SLC22A15: variants seen among roughly 807,000 people sequenced by gnomAD.
The protein encoded by SLC22A15 is solute carrier family 22 member 15.
A neutral mutation model predicts 62.7 loss-of-function variants in SLC22A15; 45 were observed. That is an observed-to-expected ratio of 0.72 (90% CI 0.56 to 0.92). SLC22A15 has a LOEUF of 0.92. SLC22A15 is among the 40% of genes least tolerant of loss of function. The pLI, the probability that SLC22A15 is intolerant of heterozygous loss-of-function variation, is 0.00. For missense variants in SLC22A15, 622 were observed against 665.6 expected (o/e 0.93, Z 0.72); for synonymous variants, 264 against 267.0 (o/e 0.99, Z 0.11).
chr1:116,061,902 A>G (rs1420940088), intron 8 of SLC22A15, among the ~76,000 whole-genome samples: 1 of 152,136 alleles, frequency 6.6e-6, no homozygotes, highest in African/African-American at 2.4e-5. Context: ...TTTCATATTT[A>G]GATTCTTGTT....
Position 116,031,534 on chromosome 1 carries a change from TC to T in SLC22A15, c.898del (p.Arg300ValfsTer6). ...AGACTGGAAGTTTCCTGGATCTCTT[TC>T]GTTACCGGGTCCTGTTAGGACACAC... Reference protein sequence around the residue: ...RETGSFLDLFRYRVLLGHTLI... With the variant: ...RETGSFLDLFXYRVLLGHTLI... On this transcript the variant is annotated frameshift_variant, in exon 6 of 12. Coordinates refer to ENST00000369503, the MANE Select transcript of SLC22A15 (RefSeq NM_018420.3). LOFTEE classifies it high-confidence loss of function. 2 of 1,614,026 alleles carry T rather than the reference TC, an allele frequency of 1.2e-6. No homozygotes were observed. The highest frequency in any genetic ancestry group is 1.7e-6 in the Non-Finnish European group (2 of 1,179,884).
intron 2 of SLC22A15, among the ~76,000 whole-genome samples, chr1:115,993,591 T>C (rs1300520797): frequency 6.6e-6 from 1 of 152,152 alleles, no homozygotes; most frequent in Non-Finnish European, 1.5e-5. Context: ...GATGATGTTT[T>C]CTTGGCCTTT....
chr1:116,020,691 G>A, intron 3 of SLC22A15, 30 bp from the exon 4 acceptor site: 1 of 1,563,114 alleles, frequency 6.4e-7, no homozygotes, highest in South Asian at 1.2e-5. Flanking sequence ...TTTTGCCTCT[G>A]GATTATTGAA....
At position 116,019,642 on chromosome 1, in the gene SLC22A15, G is replaced by A; in HGVS notation, c.361G>A (p.Gly121Ser). The change falls in exon 3 of 12, where the codon GGT (glycine) becomes AGT (serine). Residue 121 changes from glycine (G) to serine (S), a missense_variant. Physicochemically the swap from Gly to Ser is moderately conservative, Grantham distance 56 (BLOSUM62 0). Coordinates refer to ENST00000369503, the MANE Select transcript of SLC22A15 (RefSeq NM_018420.3). The stretch of plus-strand genomic sequence containing the variant: ...TGCAGCAAGCTCTTTTTTCTTCAGT[G>A]GTGTATTTGTTGGAGTTATCTCTTT... ...VSAASSFFFS[G>S]VFVGVISFGQ... is the part of the protein sequence containing the mutation. 2 of 1,613,230 alleles carry A rather than the reference G, an allele frequency of 1.2e-6. No individual in the cohort carries two copies. The highest frequency in any genetic ancestry group is 1.7e-6 in the Non-Finnish European group (2 of 1,179,588).
At chr1:116,021,651 G>A (rs1478035174) in intron 4 of SLC22A15, among the ~76,000 whole-genome samples, 1 of 152,136 alleles carries the variant, frequency 6.6e-6, no homozygotes, top group African/African-American at 2.4e-5. Context: ...ATATGAGAAG[G>A]CCATTTCTTA....
chr1:116,002,973 A>G (rs1459550542), intron 2 of SLC22A15, among the ~76,000 whole-genome samples: 1 of 151,780 alleles, frequency 6.6e-6, no homozygotes, highest in African/African-American at 2.4e-5. Flanking sequence ...CCAACATAAA[A>G]CTGGGTCTTG....
At position 115,992,201 on chromosome 1, in the gene SLC22A15, G is replaced by C; in HGVS notation, c.258G>C (p.Lys86Asn). The change falls in exon 2 of 12, where the codon AAG (lysine) becomes AAC (asparagine). Residue 86 changes from lysine (K) to asparagine (N), a missense_variant. Coordinates refer to ENST00000369503, the MANE Select transcript of SLC22A15 (RefSeq NM_018420.3). ...CAGCCAACGGCAGTGAGATCCATAA[G>C]CACGTGCATTTCAGCAGCAGCTTCA... ...LLTANGSEIH[K>N]HVHFSSSFTS... The C allele has an allele frequency of 6.2e-7, 1 of 1,607,112 alleles. No homozygotes were observed.
intron 2 of SLC22A15, chr1:116,017,368 C>CAAAAAAAAAAAA (rs558402209): frequency 1.2e-5 from 1 of 84,878 alleles, no homozygotes; most frequent in Non-Finnish European, 2.4e-5. Context: ...GAAACCCTGC[C>CAAAAAAAAAAAA]AAAAAAAAAA....
At position 116,008,895 on chromosome 1, in the gene SLC22A15, A is replaced by T. The variant is rs540885555; in HGVS notation, c.301-10687A>T. Among the ~76,000 whole-genome samples, 91 of 152,242 alleles carry T rather than the reference A, an allele frequency of 6.0e-4. 3 individuals are homozygous for T. In the South Asian group the frequency reaches 0.019, roughly 31 times the overall value. On this transcript the variant is annotated intron_variant, in intron 2 of 11. Transcript: ENST00000369503. The stretch of plus-strand genomic sequence containing the variant: ...GTCAGCGTCTGCCTTCTACAAGGTG[A>T]TGTGACCTGGGGCATGTGTGTCAGA...
At chr1:116,010,508 T>C (rs1021660096) in intron 2 of SLC22A15, among the ~76,000 whole-genome samples, 1 of 152,176 alleles carries the variant, frequency 6.6e-6, no homozygotes, top group African/African-American at 2.4e-5. Flanking sequence ...GACAACTACA[T>C]TGAAATGAAG....
intron 2 of SLC22A15, among the ~76,000 whole-genome samples, chr1:116,005,713 G>A: frequency 6.6e-6 from 1 of 152,078 alleles, no homozygotes; most frequent in East Asian, 1.9e-4. Flanking sequence ...CCAGCATCAG[G>A]GAGAAAGAAG....
intron 2 of SLC22A15, among the ~76,000 whole-genome samples, chr1:116,003,558 C>T (rs939230838): frequency 6.6e-6 from 1 of 152,208 alleles, no homozygotes; most frequent in African/African-American, 2.4e-5. Context: ...CTTCTGTGGG[C>T]ACCAGCTGAA....
At chr1:116,028,726 T>C (rs1439442773) in intron 5 of SLC22A15, among the ~76,000 whole-genome samples, 1 of 152,140 alleles carries the variant, frequency 6.6e-6, no homozygotes, top group East Asian at 1.9e-4. Context: ...CCTCCATTTA[T>C]CTTTCCTAAT....
intron 1 of SLC22A15, among the ~76,000 whole-genome samples, chr1:115,983,955 A>G (rs530929630): frequency 6.6e-6 from 1 of 152,300 alleles, no homozygotes; most frequent in South Asian, 2.1e-4. Flanking sequence ...CCCACCTTAA[A>G]TAAAAACATA....
At chr1:116,019,032 T>C (rs1277747672) in intron 2 of SLC22A15, among the ~76,000 whole-genome samples, 1 of 152,220 alleles carries the variant, frequency 6.6e-6, no homozygotes, top group Non-Finnish European at 1.5e-5. Flanking sequence ...GCTATGAACA[T>C]GGGTGTACAA....
In SLC22A15 at chr1:116,033,722, G is replaced by T. The variant is rs550304427; in HGVS notation, c.945-1465G>T. ...TAAAAACGTTTTAGAAAACTGCATG[G>T]ATTTAAATTTATTTTGCCTTCTGCT... On this transcript the variant is annotated intron_variant, in intron 6 of 11. Coordinates refer to ENST00000369503, the MANE Select transcript of SLC22A15 (RefSeq NM_018420.3). Among the ~76,000 whole-genome samples the T allele has an allele frequency of 3.3e-5, 5 of 152,172 alleles. No homozygotes were observed. In the South Asian group the frequency reaches 1.0e-3, roughly 32 times the overall value.
intron 8 of SLC22A15, among the ~76,000 whole-genome samples, chr1:116,047,513 G>A (rs1657956212): frequency 6.6e-6 from 1 of 152,172 alleles, no homozygotes; most frequent in Admixed American, 6.5e-5. Flanking sequence ...AACAGGCACT[G>A]TTATCCACGG....
chr1:116,014,701 A>T (rs989590364), intron 2 of SLC22A15, among the ~76,000 whole-genome samples: 2 of 152,180 alleles, frequency 1.3e-5, no homozygotes, highest in African/African-American at 4.8e-5. Flanking sequence ...AATAATCTCT[A>T]CTCAACAGCA....
chr1:116,066,148 G>A (rs537268821), intron 10 of SLC22A15, among the ~76,000 whole-genome samples: 1 of 152,334 alleles, frequency 6.6e-6, no homozygotes, highest in South Asian at 2.1e-4. Context: ...TCTGTGCAAA[G>A]TGTGCTCACC....
Sources: gnomAD v4.1 joint callset for allele counts (sites outside exome capture counted in the v4.1 genomes callset) on GRCh38, gnomAD v4.1.1 for gene constraint, MANE v1.5 for transcripts, NCBI Gene and HGNC (gene_info 2026-07-23, HGNC 2026-07-21) for gene names.